The following VWCE variants were observed in gnomAD, a reference collection of about 807,000 sequenced individuals.
VWCE encodes von Willebrand factor C and EGF domain-containing protein.
VWCE carries 68 observed loss-of-function variants against 102.9 expected under a neutral mutation model. That is an observed-to-expected ratio of 0.66 (90% CI 0.54 to 0.81). The LOEUF is 0.81. Among genes scored for constraint, VWCE ranks in the 30% least tolerant of loss-of-function variants. The probability of loss-of-function intolerance (pLI) is 0.00; values close to 1 mark genes in which losing one functional copy is unlikely to be tolerated. For synonymous variants in VWCE, 497 were observed against 515.4 expected (o/e 0.96, Z 0.48); for missense variants, 1,137 against 1,263.6 (o/e 0.90, Z 1.52).
In VWCE at chr11:61,279,255, G is replaced by A. The variant is rs140015924; in HGVS notation, c.1325-779C>T. On this transcript the variant is annotated intron_variant, in intron 9 of 19. Coordinates refer to ENST00000335613, the MANE Select transcript of VWCE (RefSeq NM_152718.2). ...GCACTCAAGACTCAGCGTGTTGCGG[G>A]GACATAGCCCACAACAGTCATTAAG... Among the ~76,000 whole-genome samples the A allele has an allele frequency of 7.2e-5, 11 of 152,138 alleles. No individual in the cohort carries two copies. In the East Asian group the frequency reaches 1.9e-3, roughly 27 times the overall value.
chr11:61,264,504 C>T lies in VWCE; in HGVS notation c.2213G>A (p.Cys738Tyr). 2 of 1,613,530 alleles carry T rather than the reference C, an allele frequency of 1.2e-6. No individual in the cohort carries two copies. The highest frequency in any genetic ancestry group is 1.7e-6 in the Non-Finnish European group (2 of 1,179,792). The change falls in exon 19 of 20, where the codon TGC (cysteine) becomes TAC (tyrosine). Residue 738 changes from cysteine (C) to tyrosine (Y), a missense_variant. Physicochemically the swap from Cys to Tyr is radical, Grantham distance 194 (BLOSUM62 -2). This residue lies in a region of VWCE where 316 missense variants were observed against 319.3 expected (regional missense o/e 0.99). Coordinates refer to ENST00000335613, the MANE Select transcript of VWCE (RefSeq NM_152718.2). Reference protein sequence around the residue: ...CADPALLPGDCCSSCPDSLSP... With the variant: ...CADPALLPGDYCSSCPDSLSP... The stretch of plus-strand genomic sequence containing the variant: ...CCACTTACCTGGACAGGAAGAGCAG[C>T]AGTCCCCAGGAAGCAGGGCAGGGTC...
In VWCE at chr11:61,273,245, G is replaced by A. The variant is rs772933754; in HGVS notation, c.1653C>T (p.Gly551=). The change falls in exon 13 of 20, where the codon GGC becomes GGT. Residue 551 remains glycine (G), a synonymous_variant. Coordinates refer to ENST00000335613, the MANE Select transcript of VWCE (RefSeq NM_152718.2). The part of the protein sequence containing the change: ...LACPREEWRL[G]PGQCCFTCQE... ...GGCAGGTGAAGCAACACTGCCCAGG[G>A]CCCAGCCGCCACTCTTCTCGGGGGC... The A allele has an allele frequency of 6.2e-7, 1 of 1,611,726 alleles. No homozygotes were observed. Among genetic ancestry groups the A allele is most frequent in the Admixed American group, 1.7e-5 (1 of 59,858 alleles).
At chr11:61,270,361 C>T (rs755643970) in intron 14 of VWCE, among the ~76,000 whole-genome samples, 6 of 152,120 alleles carry the variant, frequency 3.9e-5, no homozygotes, top group East Asian at 3.8e-4. Flanking sequence ...AAAGGCTGCA[C>T]GTCTAACCAG....
rs1292615374 is a variant in VWCE at position 61,264,485 on chromosome 11, A to ACC, written c.2230_2230+1dup. 1 of 1,613,108 alleles carries ACC rather than the reference A, an allele frequency of 6.2e-7. No individual in the cohort carries two copies. On this transcript the variant is annotated splice_donor_variant, in intron 19 of 19. Coordinates refer to ENST00000335613, the MANE Select transcript of VWCE (RefSeq NM_152718.2). LOFTEE classifies it high-confidence loss of function. ...AACTCCAGGACCCAGAGACCCACTTACCTGGACAGGAAGAGCAGCAGTCCC... is the reference window on the plus strand; with the variant it reads ...AACTCCAGGACCCAGAGACCCACTTACCCCTGGACAGGAAGAGCAGCAGTCCC...
intron 4 of VWCE, among the ~76,000 whole-genome samples, chr11:61,287,552 G>C (rs544521188): frequency 1.1e-4 from 16 of 149,666 alleles, no homozygotes; most frequent in Non-Finnish European, 1.9e-4. Context: ...GACTAACTAA[G>C]ACACAGCGCT....
intron 6 of VWCE, 98 bp downstream of exon 6, chr11:61,282,691 A>G (rs562965436): frequency 8.4e-6 from 8 of 957,468 alleles, no homozygotes; most frequent in African/African-American, 1.6e-5. Context: ...AGAGGACCAG[A>G]AAGTCTAATT....
At position 61,258,513 on chromosome 11, in the gene VWCE, A is replaced by G. The variant is rs1854250075; in HGVS notation, c.*162T>C. ...AGCACATTCCAAACACTTCTTGGGA[A>G]CAAGGTTACATCCAGCCTTGGGGGT... On this transcript the variant is annotated 3_prime_UTR_variant, in exon 20 of 20. Coordinates refer to ENST00000335613, the MANE Select transcript of VWCE (RefSeq NM_152718.2). 1.5e-6 allele frequency: 1 copy of G among 656,274 alleles called. No individual in the cohort carries two copies. Among genetic ancestry groups the G allele is most frequent in the Non-Finnish European group, 2.2e-6 (1 of 461,138 alleles). The allele number at this position is 656,274 out of a possible 1,614,324, so 40.7% of individuals were successfully genotyped here.
intron 19 of VWCE, among the ~76,000 whole-genome samples, chr11:61,264,087 G>A (rs536769475): frequency 4.0e-5 from 6 of 151,808 alleles, no homozygotes; most frequent in Non-Finnish European, 7.4e-5. Flanking sequence ...TTAGCCAGGC[G>A]TAGTGGCAGG....
chr11:61,281,192 G>C lies in VWCE; in HGVS notation c.831C>G (p.Pro277=). The C allele has an allele frequency of 6.2e-7, 1 of 1,613,224 alleles. No individual in the cohort carries two copies. Among genetic ancestry groups the C allele is most frequent in the Non-Finnish European group, 8.5e-7 (1 of 1,180,000 alleles). ...AVLAPSAILQ[P]RQHPSKMLLL... ...GAAGCATCTTGGACGGGTGTTGCCGGGGTTGCAGGATGGCAGATGGGGCCA... is the reference window on the plus strand; with the variant it reads ...GAAGCATCTTGGACGGGTGTTGCCGCGGTTGCAGGATGGCAGATGGGGCCA... The change falls in exon 8 of 20, where the codon CCC becomes CCG. Residue 277 remains proline, a synonymous_variant. Coordinates refer to ENST00000335613, the MANE Select transcript of VWCE (RefSeq NM_152718.2).
chr11:61,288,143 G>A (rs1395256154), intron 4 of VWCE, among the ~76,000 whole-genome samples: 2 of 127,978 alleles, frequency 1.6e-5, no homozygotes, highest in Admixed American at 8.1e-5. Flanking sequence ...GCAACAGAGT[G>A]AGACTCTGTC....
intron 4 of VWCE, among the ~76,000 whole-genome samples, chr11:61,289,235 A>T (rs1855423775): frequency 6.6e-6 from 1 of 151,988 alleles, no homozygotes; most frequent in Non-Finnish European, 1.5e-5. Context: ...CACATATGTA[A>T]CTGCTAAAAA....
chr11:61,291,045 G>C (rs1590661224), intron 3 of VWCE, 118 bp from the exon 4 acceptor site: 1 of 1,456,020 alleles, frequency 6.9e-7, no homozygotes, highest in South Asian at 1.4e-5. Flanking sequence ...ACAGGCCTGG[G>C]TTTAAATCCA....
At chr11:61,277,064 G>A in intron 10 of VWCE, among the ~76,000 whole-genome samples, 1 of 119,146 alleles carries the variant, frequency 8.4e-6, no homozygotes, top group African/African-American at 3.1e-5. Flanking sequence ...GGGAGGGAGG[G>A]ATGGAGGGAA....
At chr11:61,291,686 C>T in intron 1 of VWCE, 110 bp from the exon 2 acceptor site, 7 of 950,910 alleles carry the variant, frequency 7.4e-6, no homozygotes, top group Non-Finnish European at 1.0e-5. Flanking sequence ...TTCTCAAGAA[C>T]TGTCTGGAGG....
At chr11:61,292,833 C>T (rs1855548852) in intron 1 of VWCE, among the ~76,000 whole-genome samples, 1 of 152,002 alleles carries the variant, frequency 6.6e-6, no homozygotes, top group Admixed American at 6.6e-5. Context: ...CCTGGAAGGG[C>T]AGCATCTAGG....
In VWCE at chr11:61,280,795, C is replaced by T. The variant is rs192862662; in HGVS notation, c.1228G>A (p.Glu410Lys). Reference sequence around the variant, plus strand: ...CTCCGGGGACCCCTAGTACCCACCTCGCACCAGCACTGGGAACACCCAGGC... The same window carrying T: ...CTCCGGGGACCCCTAGTACCCACCTTGCACCAGCACTGGGAACACCCAGGC... Reference protein sequence around the residue: ...TEPGCSQCWCEDGKVTCEKVR... With the variant: ...TEPGCSQCWCKDGKVTCEKVR... Residue 410 changes from glutamate (E) to lysine (K), a missense_variant and splice_region_variant, in exon 8 of 20, where the codon GAG becomes AAG. By Grantham distance (56) the Glu-to-Lys change is moderately conservative (BLOSUM62 1). Coordinates refer to ENST00000335613, the MANE Select transcript of VWCE (RefSeq NM_152718.2). 1.1e-5 allele frequency: 17 copies of T among 1,598,544 alleles called. No individual in the cohort carries two copies. The Admixed American group carries it at 1.5e-4, about 15-fold the overall frequency.
rs1284810106 is a variant in VWCE, at chr11:61,281,776, T to C, written c.787+10A>G. The C allele has an allele frequency of 1.2e-6, 2 of 1,606,476 alleles. No individual in the cohort carries two copies. The highest frequency in any genetic ancestry group is 1.7e-6 in the Non-Finnish European group (2 of 1,175,380). On this transcript the variant is annotated intron_variant, in intron 7 of 19. Transcript: ENST00000335613. ...GGCCAGCCGCCGGGATGGAGGGGCC[T>C]GGCGCTCACCTTCACAGGACACGCG... is the stretch of plus-strand genomic sequence containing the variant.
chr11:61,270,793 G>A (rs1311493146), intron 14 of VWCE, among the ~76,000 whole-genome samples: 1 of 150,682 alleles, frequency 6.6e-6, no homozygotes, highest in East Asian at 1.9e-4. Flanking sequence ...CATGCCAGCA[G>A]CTCCCTGCAC....
rs147106123 is a variant in VWCE, at chr11:61,288,515, G to A, written c.425-2085C>T. Among the ~76,000 whole-genome samples, 322 of 152,160 alleles carry A rather than the reference G, an allele frequency of 2.1e-3. 1 individual carries two copies. Among genetic ancestry groups the A allele is most frequent in the African/African-American group, 7.2e-3 (300 of 41,506 alleles). ...GACCGTCAAGACCATGCTCAACACC[G>A]CTAAGAAGCCCACTCTGACTAACCC... On this transcript the variant is annotated intron_variant, in intron 4 of 19. Coordinates refer to ENST00000335613, the MANE Select transcript of VWCE (RefSeq NM_152718.2).
Sources: allele counts gnomAD v4.1 joint callset (sites outside exome capture counted in the v4.1 genomes callset), GRCh38; gene constraint gnomAD v4.1.1; regional missense constraint gnomAD v4.1.1; transcripts MANE v1.5; gene names NCBI Gene and HGNC (gene_info 2026-07-23, HGNC 2026-07-21).